The following RIMS1 variants were observed in gnomAD, a reference collection of about 807,000 sequenced individuals.
The protein encoded by RIMS1 is regulating synaptic membrane exocytosis 1.
Under a neutral mutation model 214.1 loss-of-function variants are expected in RIMS1, and 83 were observed. That is an observed-to-expected ratio of 0.39 (90% CI 0.32 to 0.47). RIMS1 has a LOEUF of 0.47. Among genes scored for constraint, RIMS1 ranks in the 20% least tolerant of loss-of-function variants. The pLI, the probability that RIMS1 is intolerant of heterozygous loss-of-function variation, is 0.99. For missense variants in RIMS1, 2,050 were observed against 2,161.8 expected, an observed-to-expected ratio of 0.95 and a Z score of 1.03; for synonymous variants, 793 against 786.8, an observed-to-expected ratio of 1.01 and a Z score of -0.13.
At chr6:72,307,157 A>C (rs2095248220) in intron 26 of RIMS1, 101 bp from the exon 27 acceptor site, 1 of 725,350 alleles carries the variant, frequency 1.4e-6, no homozygotes, top group African/African-American at 1.8e-5. Flanking sequence ...TCTAAATTTT[A>C]TTTAATTGAA....
intron 1 of RIMS1, among the ~76,000 whole-genome samples, chr6:71,967,909 C>A (rs1415313306): frequency 6.6e-6 from 1 of 152,062 alleles, no homozygotes; most frequent in Non-Finnish European, 1.5e-5. Context: ...TGCCATGCAG[C>A]CTTAAGCTCT....
In RIMS1 at chr6:72,057,637, A is replaced by T. The variant is rs578219551; in HGVS notation, c.246-39312A>T. 4.6e-5 allele frequency among the ~76,000 whole-genome samples: 7 copies of T among 151,576 alleles called. No individual in the cohort carries two copies. In the South Asian group the frequency reaches 1.5e-3, roughly 32 times the overall value. On this transcript the variant is annotated intron_variant, in intron 2 of 33. Transcript: ENST00000521978. ...ATTCTCCTGCTTCAGCCTCCGGAGT[A>T]GCTGGGACTACAGGCGCCCGCCACC...
At position 72,163,601 on chromosome 6, in the gene RIMS1, A is replaced by C. The variant is rs2045799349; in HGVS notation, c.472-15974A>C. Among the ~76,000 whole-genome samples the C allele has an allele frequency of 1.4e-5, 2 of 140,908 alleles. 1 individual carries two copies. The highest frequency in any genetic ancestry group is 1.4e-4 in the Admixed American group (2 of 13,846). The allele number at this position is 140,908 out of a possible 152,430, so 92.4% of individuals were successfully genotyped here. ...TCTGTTTGTTAGTTTTCCTTTTAGCAGGCAAGACCCTCAGCTGCAGGTCTG... is the reference window on the plus strand; with the variant it reads ...TCTGTTTGTTAGTTTTCCTTTTAGCCGGCAAGACCCTCAGCTGCAGGTCTG... On this transcript the variant is annotated intron_variant, in intron 4 of 33. Transcript: ENST00000521978.
intron 26 of RIMS1, among the ~76,000 whole-genome samples, chr6:72,297,107 A>G (rs938213177): frequency 3.3e-5 from 5 of 151,968 alleles, no homozygotes; most frequent in African/African-American, 7.2e-5. Context: ...CTATACATAT[A>G]TATATTATTC....
chr6:72,063,634 C>A (rs1828501647), intron 2 of RIMS1, among the ~76,000 whole-genome samples: 1 of 152,058 alleles, frequency 6.6e-6, no homozygotes, highest in South Asian at 2.1e-4. Context: ...GAGGAGGGAC[C>A]CTCCAACTAT....
At chr6:72,024,900 G>GTTTTTTTTTTTTTTTTTTTTTTTT (rs777214787) in intron 2 of RIMS1, among the ~76,000 whole-genome samples, 14 of 98,666 alleles carry the variant, frequency 1.4e-4, no homozygotes, top group African/African-American at 5.3e-4. Flanking sequence ...AAATCTGTGG[G>GTTTTTTTTTTTTTTTTTTTTTTTT]TTTTTTTTTT....
chr6:72,265,342 A>T, intron 20 of RIMS1, 48 bp from the exon 21 acceptor site: 1 of 1,065,810 alleles, frequency 9.4e-7, no homozygotes, highest in Non-Finnish European at 1.4e-6. Flanking sequence ...TGTTGATTTT[A>T]ATTATAATTT....
chr6:72,240,118 C>T (rs558328466), intron 9 of RIMS1, among the ~76,000 whole-genome samples: 1 of 151,960 alleles, frequency 6.6e-6, no homozygotes, highest in East Asian at 1.9e-4. Flanking sequence ...AATTTAAAGA[C>T]AGATAAAATG....
intron 4 of RIMS1, among the ~76,000 whole-genome samples, chr6:72,136,150 A>C (rs2041243286): frequency 6.6e-6 from 1 of 152,204 alleles, no homozygotes. Flanking sequence ...TAAGATAAAT[A>C]TATGATATTT....
At chr6:71,916,303 A>G (rs1778397068) in intron 1 of RIMS1, among the ~76,000 whole-genome samples, 1 of 152,124 alleles carries the variant, frequency 6.6e-6, no homozygotes, top group Non-Finnish European at 1.5e-5. Context: ...AGCAAAAGCC[A>G]ATTAGAGTAA....
chr6:72,129,343 A>G (rs2040090476), intron 4 of RIMS1, among the ~76,000 whole-genome samples: 1 of 152,140 alleles, frequency 6.6e-6, no homozygotes, highest in African/African-American at 2.4e-5. Flanking sequence ...TTCACTGGGT[A>G]TAAGAGGTAG....
chr6:72,325,130 T>A (rs1179517472), intron 28 of RIMS1, among the ~76,000 whole-genome samples: 1 of 151,870 alleles, frequency 6.6e-6, no homozygotes, highest in Non-Finnish European at 1.5e-5. Context: ...TCTTCCACAA[T>A]TTTTTCCTAA....
chr6:71,973,857 G>A (rs1301314640), intron 2 of RIMS1, among the ~76,000 whole-genome samples: 1 of 152,078 alleles, frequency 6.6e-6, no homozygotes, highest in East Asian at 1.9e-4. Context: ...AGAGAGTGAG[G>A]GACTCATAGG....
rs1288151466 is a variant in RIMS1, at chr6:72,158,414, T to A, written c.472-21161T>A. On this transcript the variant is annotated intron_variant, in intron 4 of 33. Coordinates refer to ENST00000521978, the MANE Select transcript of RIMS1 (RefSeq NM_014989.7). Reference sequence around the variant, plus strand: ...TCTGGTTGTTTTAAAAAGATTGTATTTTTTTTAATCATACTCTAAGTTTTA... The same window carrying A: ...TCTGGTTGTTTTAAAAAGATTGTATATTTTTTAATCATACTCTAAGTTTTA... Among the ~76,000 whole-genome samples, 7 of 140,604 alleles carry A rather than the reference T, an allele frequency of 5.0e-5. 1 individual carries two copies. The highest frequency in any genetic ancestry group is 1.7e-4 in the African/African-American group (7 of 40,566). The allele number at this position is 140,604 out of a possible 152,430, so 92.2% of individuals were successfully genotyped here.
intron 24 of RIMS1, among the ~76,000 whole-genome samples, chr6:72,290,170 G>A (rs762984402): frequency 3.3e-5 from 5 of 152,098 alleles, no homozygotes; most frequent in East Asian, 3.9e-4. Context: ...GGCTTCTTTC[G>A]TTGTTTTTGG....
At chr6:72,156,082 TA>T (rs1249134957) in intron 4 of RIMS1, 2 of 358,934 alleles carry the variant, frequency 5.6e-6, no homozygotes, top group African/African-American at 4.2e-5. Flanking sequence ...AAATTATAAA[TA>T]GAAGTACTAT....
At chr6:72,131,226 G>C (rs746056390) in intron 4 of RIMS1, among the ~76,000 whole-genome samples, 3 of 152,152 alleles carry the variant, frequency 2.0e-5, no homozygotes, top group Non-Finnish European at 4.4e-5. Flanking sequence ...GTGGAAAGTG[G>C]ACCTGTTTCT....
At chr6:72,060,391 A>G (rs1827557425) in intron 2 of RIMS1, among the ~76,000 whole-genome samples, 1 of 152,182 alleles carries the variant, frequency 6.6e-6, no homozygotes, top group South Asian at 2.1e-4. Context: ...TCTGCATTAC[A>G]GTAAGTGTGC....
At chr6:72,180,035 A>C in intron 5 of RIMS1, 120 bp downstream of exon 5, 1 of 624,492 alleles carries the variant, frequency 1.6e-6, no homozygotes. Context: ...CAGGCCCCAC[A>C]TGGAAAAACA....
Sources: allele counts gnomAD v4.1 joint callset (sites outside exome capture counted in the v4.1 genomes callset), GRCh38; gene constraint gnomAD v4.1.1; transcripts MANE v1.5; gene names NCBI Gene and HGNC (gene_info 2026-07-23, HGNC 2026-07-21).